The following PCNT variants were observed in gnomAD, a reference collection of about 807,000 sequenced individuals.
The protein encoded by PCNT is kendrin.
In PCNT, 319 loss-of-function variants were observed where a neutral mutation model predicts 380.4. That is an observed-to-expected ratio of 0.84 (90% CI 0.77 to 0.92). The LOEUF (loss-of-function observed/expected upper bound fraction) is 0.92. PCNT is among the 40% of genes least tolerant of loss of function. PCNT has a pLI of 0.00. For missense variants in PCNT, 4,400 were observed against 4,255.3 expected, an observed-to-expected ratio of 1.03 and a Z score of -0.95; for synonymous variants, 1,845 against 1,735.2, an observed-to-expected ratio of 1.06 and a Z score of -1.57.
At chr21:46,391,052 G>A (rs535473039) in intron 20 of PCNT, 112 bp from the exon 21 acceptor site, 15 of 1,201,888 alleles carry the variant, frequency 1.2e-5, no homozygotes, top group Non-Finnish European at 1.7e-5. Context: ...GAAGCTGCTG[G>A]CTCTTAGCTC....
At chr21:46,337,592 TG>T (rs1212871970) in intron 3 of PCNT, among the ~76,000 whole-genome samples, 1 of 152,182 alleles carries the variant, frequency 6.6e-6, no homozygotes, top group Non-Finnish European at 1.5e-5. Flanking sequence ...TGTTTTGTTT[TG>T]TTTTTTGAGA....
At chr21:46,348,863 C>T (rs759345276) in intron 6 of PCNT, 149 bp from the exon 7 acceptor site, 46 of 615,898 alleles carry the variant, frequency 7.5e-5, no homozygotes, top group Middle Eastern at 4.4e-4. Flanking sequence ...TGGGCTCAGG[C>T]GATCTGCCTG....
intron 31 of PCNT, chr21:46,421,157 A>G (rs913305101): frequency 6.6e-6 from 1 of 152,280 alleles, no homozygotes; most frequent in African/African-American, 2.4e-5. Flanking sequence ...CTCTGCCTGC[A>G]TCGTTGGCCT....
intron 4 of PCNT, 141 bp from the exon 5 acceptor site, chr21:46,346,602 G>A: frequency 9.2e-7 from 1 of 1,082,484 alleles, no homozygotes; most frequent in East Asian, 2.6e-5. Context: ...GGGCCTCTGT[G>A]TCCTGCCCCT....
chr21:46,443,006 A>G, intron 44 of PCNT: 2 of 250,196 alleles, frequency 8.0e-6, no homozygotes, highest in South Asian at 4.3e-5. Context: ...TGGCTGCACT[A>G]GTGCTGAAGG....
intron 2 of PCNT, among the ~76,000 whole-genome samples, chr21:46,333,093 A>T (rs978821811): frequency 1.3e-5 from 2 of 152,198 alleles, no homozygotes; most frequent in African/African-American, 4.8e-5. Flanking sequence ...AGCCTGGGTG[A>T]CAGAGCAAGA....
chr21:46,406,289 A>G (rs1476465945), intron 27 of PCNT, among the ~76,000 whole-genome samples: 1 of 152,154 alleles, frequency 6.6e-6, no homozygotes, highest in African/African-American at 2.4e-5. Context: ...GGGGTTAGTG[A>G]TGTTTCTTTA....
intron 39 of PCNT, 96 bp downstream of exon 39, chr21:46,436,244 C>A (rs375170457): frequency 3.5e-6 from 5 of 1,420,000 alleles, no homozygotes; most frequent in Middle Eastern, 4.8e-4. Flanking sequence ...GGTGTGAGGC[C>A]CCTGCTCCTT....
chr21:46,381,034 G>T (rs1246216880), intron 15 of PCNT, among the ~76,000 whole-genome samples: 2 of 151,946 alleles, frequency 1.3e-5, no homozygotes, highest in African/African-American at 4.8e-5. Context: ...AAAATTAGTT[G>T]AGTGTGGTGG....
At chr21:46,391,452 A>G in intron 21 of PCNT, 76 bp downstream of exon 21, 1 of 1,224,166 alleles carries the variant, frequency 8.2e-7, no homozygotes, top group Non-Finnish European at 1.2e-6. Context: ...CCCAGCTCCC[A>G]AGGACACTCA....
In PCNT at chr21:46,428,544, C is replaced by T. The variant is rs369949793; in HGVS notation, c.7644C>T (p.Ser2548=). The change falls in exon 35 of 47, where the codon AGC becomes AGT. Residue 2548 remains serine, a synonymous_variant. Coordinates refer to ENST00000359568, the MANE Select transcript of PCNT (RefSeq NM_006031.6). ...AGCACTTGCGCACGGCGCTGACAAGCGCAGAGGCGCGCGGGAGCCAGCAGG... is the reference window on the plus strand; with the variant it reads ...AGCACTTGCGCACGGCGCTGACAAGTGCAGAGGCGCGCGGGAGCCAGCAGG... The part of the protein sequence containing the change: ...KLQHLRTALT[S]AEARGSQQEH... 124 of 1,608,308 alleles carry T rather than the reference C, an allele frequency of 7.7e-5. No individual in the cohort carries two copies. In the East Asian group the frequency reaches 1.8e-3, roughly 23 times the overall value.
At chr21:46,375,109 C>T (rs148498197) in intron 15 of PCNT, among the ~76,000 whole-genome samples, 39 of 152,232 alleles carry the variant, frequency 2.6e-4, no homozygotes, top group South Asian at 6.2e-4. Context: ...CCTCTGAAAA[C>T]GTAAGCTTGA....
intron 17 of PCNT, among the ~76,000 whole-genome samples, chr21:46,387,988 A>T (rs908258529): frequency 1.3e-5 from 2 of 152,148 alleles, no homozygotes; most frequent in South Asian, 4.2e-4. Context: ...AGGCGGGTGG[A>T]TCATGAGGTC....
chr21:46,365,318 T>TG lies in PCNT; in HGVS notation c.2610-1262dup, dbSNP rs1287475079. On this transcript the variant is annotated intron_variant, in intron 14 of 46. Coordinates refer to ENST00000359568, the MANE Select transcript of PCNT (RefSeq NM_006031.6). Reference sequence around the variant, plus strand: ...TGCCATGGGGTTCTATTCACTGCCATGGGGTTCTATTCACTGCCATGGGGT... The same window carrying TG: ...TGCCATGGGGTTCTATTCACTGCCATGGGGGTTCTATTCACTGCCATGGGGT... 6.8e-3 allele frequency among the ~76,000 whole-genome samples: 673 copies of TG among 99,626 alleles called. 24 individuals are homozygous for TG. The highest frequency in any genetic ancestry group is 0.02 in the African/African-American group (636 of 31,390). 65.4% of individuals were successfully genotyped at this position (99,626 alleles called of 152,430 possible).
intron 27 of PCNT, among the ~76,000 whole-genome samples, chr21:46,408,719 G>GTTT (rs34814770): frequency 1.7e-4 from 19 of 110,558 alleles, no homozygotes; most frequent in South Asian, 3.0e-4. Flanking sequence ...CTTTCAGAAA[G>GTTT]TTTTTTTTTT....
At chr21:46,412,649 T>C (rs2086826150) in intron 28 of PCNT, among the ~76,000 whole-genome samples, 188 bp from the exon 29 acceptor site, 1 of 152,182 alleles carries the variant, frequency 6.6e-6, no homozygotes, top group Non-Finnish European at 1.5e-5. Context: ...GGCAGCTTTC[T>C]GCTGGGTCCT....
intron 24 of PCNT, among the ~76,000 whole-genome samples, chr21:46,399,318 G>C (rs1332846896): frequency 2.1e-5 from 3 of 144,244 alleles, no homozygotes; most frequent in Admixed American, 1.4e-4. Flanking sequence ...TCAGCCTGTG[G>C]GTCTAGGTCT....
chr21:46,371,988 C>T (rs1465836889), intron 15 of PCNT, among the ~76,000 whole-genome samples: 1 of 148,048 alleles, frequency 6.8e-6, no homozygotes, highest in Admixed American at 6.8e-5. Flanking sequence ...ACACATGCAG[C>T]ACATGCACAC....
At chr21:46,375,076 G>T (rs2085292502) in intron 15 of PCNT, among the ~76,000 whole-genome samples, 1 of 152,150 alleles carries the variant, frequency 6.6e-6, no homozygotes, top group Non-Finnish European at 1.5e-5. Context: ...TACCGCCCTT[G>T]AGAGTTTGGT....
Sources: gnomAD v4.1 joint callset for allele counts (sites outside exome capture counted in the v4.1 genomes callset) on GRCh38, gnomAD v4.1.1 for gene constraint, MANE v1.5 for transcripts, NCBI Gene and HGNC (gene_info 2026-07-23, HGNC 2026-07-21) for gene names.